Variants in KIF18A observed in about 807,000 individuals in gnomAD.
The protein encoded by KIF18A is kinesin-like protein KIF18A.
A neutral mutation model predicts 103.3 loss-of-function variants in KIF18A; 67 were observed. The ratio of observed to expected loss-of-function variants is 0.65; its 90% CI spans 0.53 to 0.79. KIF18A has a LOEUF of 0.79. KIF18A is among the 30% of genes least tolerant of loss of function. KIF18A has a pLI of 0.00. For synonymous variants in KIF18A, 367 were observed against 355.5 expected (o/e 1.03, Z -0.36); for missense variants, 1,032 against 1,062.5 (o/e 0.97, Z 0.40).
At chr11:28,033,310 A>G (rs759756728) in intron 15 of KIF18A, among the ~76,000 whole-genome samples, 34 of 151,750 alleles carry the variant, frequency 2.2e-4, no homozygotes, top group Middle Eastern at 6.8e-3. Flanking sequence ...AGAGTCCTCA[A>G]AAAACTAAAA....
intron 1 of KIF18A, among the ~76,000 whole-genome samples, chr11:28,104,708 C>T (rs1426248943): frequency 3.3e-5 from 5 of 152,086 alleles, no homozygotes; most frequent in African/African-American, 1.2e-4. Context: ...TGTGAGAGCA[C>T]GGAGTTCATC....
At chr11:28,077,614 T>C (rs1464545178) in intron 9 of KIF18A, among the ~76,000 whole-genome samples, 2 of 152,108 alleles carry the variant, frequency 1.3e-5, no homozygotes, top group East Asian at 1.9e-4. Flanking sequence ...TGGCTCACCG[T>C]GAAGGAATAA....
chr11:28,076,187 A>G (rs1279047474), intron 10 of KIF18A, among the ~76,000 whole-genome samples: 2 of 152,034 alleles, frequency 1.3e-5, no homozygotes, highest in Admixed American at 6.6e-5. Context: ...TGGAAGGGAG[A>G]GGGCAGTATA....
intron 13 of KIF18A, among the ~76,000 whole-genome samples, chr11:28,046,543 T>G: frequency 9.0e-6 from 1 of 111,496 alleles, no homozygotes; most frequent in African/African-American, 3.5e-5. Context: ...CTGGGGACTG[T>G]TGTGGGGTAG....
chr11:28,044,162 G>T (rs1296191010), intron 13 of KIF18A, among the ~76,000 whole-genome samples: 3 of 151,958 alleles, frequency 2.0e-5, no homozygotes, highest in Non-Finnish European at 4.4e-5. Flanking sequence ...TAAAAGACAT[G>T]AAGTTTTACT....
chr11:28,080,027 C>A (rs187417477), intron 9 of KIF18A, among the ~76,000 whole-genome samples: 142 of 152,006 alleles, frequency 9.3e-4, no homozygotes, highest in African/African-American at 3.1e-3. Flanking sequence ...CATTCAGGCT[C>A]AATAAGTAGA....
chr11:28,074,849 A>G (rs923189297), intron 10 of KIF18A, among the ~76,000 whole-genome samples: 3 of 152,146 alleles, frequency 2.0e-5, no homozygotes, highest in Non-Finnish European at 4.4e-5. Context: ...TAGTATTTGA[A>G]CATCATATGT....
chr11:28,076,351 C>G (rs1038451523), intron 10 of KIF18A: 1 of 152,144 alleles, frequency 6.6e-6, no homozygotes, highest in Non-Finnish European at 1.5e-5. Context: ...CTGCCTGCAT[C>G]CAGGATAGAC....
intron 5 of KIF18A, among the ~76,000 whole-genome samples, chr11:28,088,928 G>A (rs1409374447): frequency 6.6e-6 from 1 of 152,114 alleles, no homozygotes; most frequent in Non-Finnish European, 1.5e-5. Context: ...TTCTATATGT[G>A]TACCAGAGGA....
chr11:28,027,075 TG>T, intron 15 of KIF18A, among the ~76,000 whole-genome samples: 1 of 151,958 alleles, frequency 6.6e-6, no homozygotes, highest in South Asian at 2.1e-4. Flanking sequence ...AGATACTCTA[TG>T]TAGCACAAAT....
At chr11:28,080,654 C>T (rs765355826) in intron 9 of KIF18A, among the ~76,000 whole-genome samples, 26 of 152,002 alleles carry the variant, frequency 1.7e-4, no homozygotes, top group Non-Finnish European at 2.9e-4. Context: ...TCTCCTCAGC[C>T]CTCCCTATTC....
chr11:28,082,977 G>A lies in KIF18A; in HGVS notation c.1150-9C>T. 1 of 1,523,480 alleles carries A rather than the reference G, an allele frequency of 6.6e-7. No homozygotes were observed. The highest frequency in any genetic ancestry group is 9.0e-7 in the Non-Finnish European group (1 of 1,116,984). The allele number at this position is 1,523,480 out of a possible 1,614,324, so 94.4% of individuals were successfully genotyped here. On this transcript the variant is annotated splice_polypyrimidine_tract_variant and intron_variant, in intron 8 of 16. Transcript: ENST00000263181. ...TCTTTTAACAATAAAATCTAGTAGA[G>A]AGAAATCACTAGTTAAAATACAAAA...
intron 1 of KIF18A, among the ~76,000 whole-genome samples, chr11:28,104,362 A>C (rs750518116): frequency 1.8e-4 from 27 of 151,968 alleles, no homozygotes; most frequent in Non-Finnish European, 3.7e-4. Context: ...CTGTCTCCCC[A>C]TTTCATTATT....
At chr11:28,076,959 C>T in intron 10 of KIF18A, 48 bp downstream of exon 10, 1 of 931,532 alleles carries the variant, frequency 1.1e-6, no homozygotes, top group Non-Finnish European at 1.5e-6. Context: ...AAAAAAAGCC[C>T]CCATGTTTTT....
At chr11:28,068,207 T>C (rs896022977) in intron 11 of KIF18A, among the ~76,000 whole-genome samples, 2 of 151,468 alleles carry the variant, frequency 1.3e-5, no homozygotes, top group African/African-American at 4.9e-5. Context: ...CACTCACAAG[T>C]GGGAGTTGAA....
At chr11:28,046,351 G>A (rs1376310116) in intron 13 of KIF18A, among the ~76,000 whole-genome samples, 1 of 149,596 alleles carries the variant, frequency 6.7e-6, no homozygotes, top group Middle Eastern at 3.2e-3. Flanking sequence ...ATACACCATG[G>A]AAGACTATGC....
intron 13 of KIF18A, among the ~76,000 whole-genome samples, chr11:28,043,612 ATAGATTATTTGATGATATAAAAAAATG>A (rs1850588608): frequency 1.4e-5 from 2 of 145,924 alleles, no homozygotes; most frequent in African/African-American, 5.3e-5. Flanking sequence ...ACTATATTTT[ATAGATTATTTGATGATATAAAAAAATG>A]TTCATTAATG....
chr11:28,039,153 T>C (rs1449602922), intron 13 of KIF18A, among the ~76,000 whole-genome samples: 3 of 151,810 alleles, frequency 2.0e-5, no homozygotes, highest in African/African-American at 7.2e-5. Flanking sequence ...TTTTTATATA[T>C]GAATAGGATT....
At chr11:28,063,683 C>G (rs1381313640) in intron 11 of KIF18A, among the ~76,000 whole-genome samples, 1 of 151,700 alleles carries the variant, frequency 6.6e-6, no homozygotes, top group Non-Finnish European at 1.5e-5. Flanking sequence ...AAATTTCAAA[C>G]AATACAATGA....
Sources: allele counts gnomAD v4.1 joint callset (sites outside exome capture counted in the v4.1 genomes callset), GRCh38; gene constraint gnomAD v4.1.1; transcripts MANE v1.5; gene names NCBI Gene and HGNC (gene_info 2026-07-23, HGNC 2026-07-21).